Variants in MAPK10 observed in about 807,000 individuals in gnomAD.
MAPK10 encodes the protein mitogen-activated protein kinase 10, also known as JNK3 alpha protein kinase.
Under a neutral mutation model 59.3 loss-of-function variants are expected in MAPK10, and 25 were observed. The observed-to-expected ratio is 0.42, with a 90% CI of 0.31 to 0.59. The LOEUF (loss-of-function observed/expected upper bound fraction) is 0.59. Ranked by LOEUF, MAPK10 falls within the 20% of genes least tolerant of loss-of-function variation. MAPK10 has a pLI of 0.15. For missense variants in MAPK10, 351 were observed against 568.9 expected, an observed-to-expected ratio of 0.62 and a Z score of 3.90; for synonymous variants, 190 against 200.5, an observed-to-expected ratio of 0.95 and a Z score of 0.44.
chr4:86,168,392 G>A (rs953469963), intron 3 of MAPK10, among the ~76,000 whole-genome samples: 3 of 152,216 alleles, frequency 2.0e-5, no homozygotes, highest in South Asian at 4.1e-4. Flanking sequence ...TTAAAAAATG[G>A]TGCACCAGGA....
At chr4:86,276,145 T>C (rs1028858788) in intron 2 of MAPK10, among the ~76,000 whole-genome samples, 1 of 152,144 alleles carries the variant, frequency 6.6e-6, no homozygotes, top group Non-Finnish European at 1.5e-5. Flanking sequence ...TTTTTGTTTC[T>C]ATTTTGTTGG....
At chr4:86,528,873 C>T (rs979321900) in intron 1 of MAPK10, among the ~76,000 whole-genome samples, 2 of 152,160 alleles carry the variant, frequency 1.3e-5, no homozygotes, top group African/African-American at 4.8e-5. Context: ...TTAAACACTT[C>T]GATTTTATAT....
intron 2 of MAPK10, among the ~76,000 whole-genome samples, chr4:86,216,470 C>T (rs2148624363): frequency 6.6e-6 from 1 of 151,576 alleles, no homozygotes; most frequent in African/African-American, 2.4e-5. Context: ...ATTTTATGTT[C>T]TGTGTATTTT....
intron 2 of MAPK10, among the ~76,000 whole-genome samples, chr4:86,345,223 C>G (rs1727429080): frequency 6.6e-6 from 1 of 152,150 alleles, no homozygotes; most frequent in African/African-American, 2.4e-5. Flanking sequence ...TCATGGAGTC[C>G]TTCACTAGCC....
chr4:86,465,752 C>T (rs183475324), intron 1 of MAPK10, among the ~76,000 whole-genome samples: 6 of 152,248 alleles, frequency 3.9e-5, no homozygotes, highest in East Asian at 1.9e-4. Flanking sequence ...AGCCAGATGC[C>T]GAGGAAGAGA....
chr4:86,072,095 A>C (rs2149005399), intron 9 of MAPK10, among the ~76,000 whole-genome samples: 1 of 149,972 alleles, frequency 6.7e-6, no homozygotes, highest in East Asian at 2.0e-4. Context: ...TTCTCCTTGA[A>C]GAGGTCCTTC....
At chr4:86,449,184 T>C (rs1436024111) in intron 1 of MAPK10, among the ~76,000 whole-genome samples, 10 of 151,970 alleles carry the variant, frequency 6.6e-5, no homozygotes, top group African/African-American at 2.4e-4. Context: ...GTGTTCTAAC[T>C]GACTGTGGTT....
At chr4:86,484,742 AT>A (rs1419628635) in intron 1 of MAPK10, among the ~76,000 whole-genome samples, 4 of 134,742 alleles carry the variant, frequency 3.0e-5, no homozygotes, top group African/African-American at 7.8e-5. Context: ...TATTTTACAG[AT>A]TTAAAAAAAA....
chr4:86,469,630 A>G (rs1752504397), intron 1 of MAPK10, among the ~76,000 whole-genome samples: 1 of 152,196 alleles, frequency 6.6e-6, no homozygotes, highest in African/African-American at 2.4e-5. Flanking sequence ...ACCTCCTACT[A>G]TGGTTATTTA....
intron 2 of MAPK10, among the ~76,000 whole-genome samples, chr4:86,318,575 C>T (rs765086211): frequency 2.6e-5 from 4 of 152,058 alleles, no homozygotes; most frequent in Admixed American, 2.0e-4. Flanking sequence ...TGCCCAAAGT[C>T]ACACAGTGGA....
At chr4:86,263,770 G>A (rs1421640078) in intron 2 of MAPK10, among the ~76,000 whole-genome samples, 1 of 152,176 alleles carries the variant, frequency 6.6e-6, no homozygotes, top group Non-Finnish European at 1.5e-5. Flanking sequence ...ATCTTTACCT[G>A]TGAGGTTTTT....
intron 1 of MAPK10, among the ~76,000 whole-genome samples, chr4:86,410,506 A>C (rs1745005042): frequency 6.6e-6 from 1 of 152,184 alleles, no homozygotes; most frequent in African/African-American, 2.4e-5. Context: ...CCTCTGGTAG[A>C]ATTCGGCTGT....
intron 1 of MAPK10, among the ~76,000 whole-genome samples, chr4:86,532,998 T>C (rs906497737): frequency 1.3e-5 from 2 of 152,132 alleles, no homozygotes; most frequent in South Asian, 2.1e-4. Context: ...GTGTTTTGTG[T>C]GTCCTGCTAT....
intron 4 of MAPK10, among the ~76,000 whole-genome samples, chr4:86,113,851 A>G (rs2057912137): frequency 6.6e-6 from 1 of 152,184 alleles, no homozygotes; most frequent in Admixed American, 6.5e-5. Context: ...AGATGCTCCA[A>G]TCAGTCATAT....
At chr4:86,257,555 T>C (rs2093800887) in intron 2 of MAPK10, among the ~76,000 whole-genome samples, 1 of 152,184 alleles carries the variant, frequency 6.6e-6, no homozygotes, top group South Asian at 2.1e-4. Flanking sequence ...ACAGTCTCCC[T>C]CTTCATCACT....
At chr4:86,206,646 G>C (rs1456156027) in intron 2 of MAPK10, among the ~76,000 whole-genome samples, 1 of 152,188 alleles carries the variant, frequency 6.6e-6, no homozygotes, top group Admixed American at 6.5e-5. Context: ...GGTTGAACTA[G>C]TTTACAGTCC....
intron 8 of MAPK10, chr4:86,100,296 A>T (rs2149069850): frequency 6.6e-6 from 1 of 152,274 alleles, no homozygotes; most frequent in Middle Eastern, 3.4e-3. Context: ...AATACATTGC[A>T]ATGCTTTCTA....
At chr4:86,441,515 G>A (rs1001786660) in intron 1 of MAPK10, among the ~76,000 whole-genome samples, 9 of 152,168 alleles carry the variant, frequency 5.9e-5, no homozygotes, top group African/African-American at 2.2e-4. Flanking sequence ...AGAAATTTCA[G>A]GCTTCAAACT....
rs142651370 is a variant in MAPK10, at chr4:86,015,179, C to T, written c.*2049G>A. 9.2e-5 allele frequency: 14 copies of T among 152,212 alleles called. No homozygotes were observed. Among genetic ancestry groups the T allele is most frequent in the African/African-American group, 3.4e-4 (14 of 41,534 alleles). The allele number at this position is 152,212 out of a possible 1,614,324, so 9.4% of individuals were successfully genotyped here. A position where few individuals can be genotyped will look rare whatever the true frequency, so the allele number is the denominator to read the frequency against. On this transcript the variant is annotated 3_prime_UTR_variant, in exon 14 of 14. Transcript: ENST00000641462. ...ACAAGCTGCACAAAGGAATGTTCTT[C>T]TATTTATTTTAAACAAATGACTGCG... is the stretch of plus-strand genomic sequence containing the variant.
Sources: gnomAD v4.1 joint callset for allele counts (sites outside exome capture counted in the v4.1 genomes callset) on GRCh38, gnomAD v4.1.1 for gene constraint, MANE v1.5 for transcripts, NCBI Gene and HGNC (gene_info 2026-07-23, HGNC 2026-07-21) for gene names.